The following SP3 variants were observed in gnomAD, a reference collection of about 807,000 sequenced individuals.
SP3 encodes transcription factor Sp3.
Under a neutral mutation model 70.3 loss-of-function variants are expected in SP3, and 10 were observed. That is an observed-to-expected ratio of 0.14 (90% CI 0.09 to 0.24). SP3 has a LOEUF of 0.24. Ranked by LOEUF, SP3 falls within the 10% of genes least tolerant of loss-of-function variation. SP3 has a pLI of 1.00. For missense variants in SP3, 825 were observed against 914.6 expected (o/e 0.90, Z 1.26); for synonymous variants, 402 against 333.5 (o/e 1.21, Z -2.24).
At chr2:173,912,497 G>A (rs1689513237) in intron 6 of SP3, among the ~76,000 whole-genome samples, 1 of 152,164 alleles carries the variant, frequency 6.6e-6, no homozygotes, top group Admixed American at 6.5e-5. Context: ...CTATCTCTAA[G>A]TTAACACTGT....
At chr2:173,927,217 G>C (rs1303492614) in intron 4 of SP3, among the ~76,000 whole-genome samples, 1 of 151,842 alleles carries the variant, frequency 6.6e-6, no homozygotes, top group Non-Finnish European at 1.5e-5. Flanking sequence ...CTCCCACATT[G>C]GGGATTACAA....
At chr2:173,956,652 G>C (rs1401900368) in intron 3 of SP3, among the ~76,000 whole-genome samples, 1 of 152,172 alleles carries the variant, frequency 6.6e-6, no homozygotes, top group Non-Finnish European at 1.5e-5. Context: ...ATTGCTATAA[G>C]CCTAAAATCA....
At chr2:173,963,252 G>A (rs1226031205) in intron 3 of SP3, 2 of 152,094 alleles carry the variant, frequency 1.3e-5, no homozygotes, top group Non-Finnish European at 2.9e-5. Context: ...TAAAAAAGCA[G>A]TCTTCACTCC....
At chr2:173,956,872 T>C (rs1690911420) in intron 3 of SP3, among the ~76,000 whole-genome samples, 1 of 152,190 alleles carries the variant, frequency 6.6e-6, no homozygotes, top group Non-Finnish European at 1.5e-5. Flanking sequence ...GATCAGAAGC[T>C]GGAGGATACA....
At chr2:173,947,206 C>A (rs1398592528) in intron 4 of SP3, among the ~76,000 whole-genome samples, 1 of 152,140 alleles carries the variant, frequency 6.6e-6, no homozygotes, top group African/African-American at 2.4e-5. Flanking sequence ...AAATTCTTAG[C>A]CATTATTTCA....
At chr2:173,947,935 T>A (rs1283321861) in intron 4 of SP3, among the ~76,000 whole-genome samples, 1 of 152,168 alleles carries the variant, frequency 6.6e-6, no homozygotes, top group South Asian at 2.1e-4. Flanking sequence ...TTGGTTCAGA[T>A]GTGGTGGTCG....
At chr2:173,965,547 G>C, upstream of SP3, 1 of 238,780 alleles carries the variant, frequency 4.2e-6, no homozygotes, top group Non-Finnish European at 8.2e-6. Context: ...GTAGGTTTTC[G>C]AGAGCGGCTA....
chr2:173,927,275 T>A (rs964709579), intron 4 of SP3, among the ~76,000 whole-genome samples: 6 of 149,860 alleles, frequency 4.0e-5, no homozygotes, highest in Non-Finnish European at 8.9e-5. Context: ...CAACTATATA[T>A]CTTTTTTTTT....
intron 4 of SP3, among the ~76,000 whole-genome samples, chr2:173,942,212 A>C (rs923093817): frequency 6.6e-6 from 1 of 152,212 alleles, no homozygotes; most frequent in Non-Finnish European, 1.5e-5. Flanking sequence ...GAGGATGAAC[A>C]CAAGTTGTTG....
chr2:173,954,440 C>G (rs1156516283), intron 4 of SP3, among the ~76,000 whole-genome samples: 1 of 152,134 alleles, frequency 6.6e-6, no homozygotes, highest in East Asian at 1.9e-4. Flanking sequence ...ACACACCTAG[C>G]AAGTGGCTGA....
Position 173,965,311 on chromosome 2 carries a change from G to T in SP3, c.-140C>A. 1 of 991,286 alleles carries T rather than the reference G, an allele frequency of 1.0e-6. No homozygotes were observed. Among genetic ancestry groups the T allele is most frequent in the South Asian group, 1.5e-5 (1 of 67,838 alleles). 61.4% of individuals were successfully genotyped at this position (991,286 alleles called of 1,614,324 possible). On this transcript the variant is annotated 5_prime_UTR_variant, in exon 1 of 7. Transcript: ENST00000310015. ...TCCGGGGATTTTTTTTTCCTATTTT[G>T]ATTGACTGTGCGGGAAACACAAAAG...
At chr2:173,952,739 G>A (rs966644167) in intron 4 of SP3, among the ~76,000 whole-genome samples, 3 of 152,152 alleles carry the variant, frequency 2.0e-5, no homozygotes, top group African/African-American at 7.2e-5. Flanking sequence ...ATGAGGTAAT[G>A]ACACATACCA....
At chr2:173,961,214 T>C (rs765863813) in intron 3 of SP3, among the ~76,000 whole-genome samples, 14 of 152,356 alleles carry the variant, frequency 9.2e-5, no homozygotes, top group Non-Finnish European at 1.6e-4. Flanking sequence ...TATACGAGAC[T>C]GCTTTATGAC....
chr2:173,910,536 T>C (rs556036451), intron 6 of SP3, among the ~76,000 whole-genome samples: 2 of 152,296 alleles, frequency 1.3e-5, no homozygotes, highest in Admixed American at 1.3e-4. Context: ...TCAACTACGC[T>C]AAGAGTTTGT....
intron 4 of SP3, among the ~76,000 whole-genome samples, chr2:173,937,261 T>C (rs1648112256): frequency 6.6e-6 from 1 of 152,180 alleles, no homozygotes; most frequent in Non-Finnish European, 1.5e-5. Context: ...TATCTGACTT[T>C]CCCCTTCATA....
chr2:173,959,926 A>T (rs1199314096), intron 3 of SP3, among the ~76,000 whole-genome samples: 1 of 152,204 alleles, frequency 6.6e-6, no homozygotes, highest in Admixed American at 6.5e-5. Context: ...GACAATTAAC[A>T]AACAAAACCT....
At chr2:173,927,971 T>G (rs532297387) in intron 4 of SP3, among the ~76,000 whole-genome samples, 3 of 152,306 alleles carry the variant, frequency 2.0e-5, no homozygotes, top group African/African-American at 7.2e-5. Flanking sequence ...AACACTGAAC[T>G]AAAAACATTC....
chr2:173,965,118 G>A, intron 1 of SP3, 47 bp downstream of exon 1: 2 of 1,528,092 alleles, frequency 1.3e-6, no homozygotes, highest in Non-Finnish European at 1.8e-6. Flanking sequence ...GTCGGCGGCA[G>A]CGGCGGCGGC....
At chr2:173,923,989 T>C (rs1353605956) in intron 4 of SP3, among the ~76,000 whole-genome samples, 1 of 151,962 alleles carries the variant, frequency 6.6e-6, no homozygotes, top group Non-Finnish European at 1.5e-5. Context: ...ATTATAGATA[T>C]GAGTTCCTAA....
Sources: allele counts gnomAD v4.1 joint callset (sites outside exome capture counted in the v4.1 genomes callset), GRCh38; gene constraint gnomAD v4.1.1; transcripts MANE v1.5; gene names NCBI Gene and HGNC (gene_info 2026-07-23, HGNC 2026-07-21).